EEA1: variants seen among roughly 807,000 people sequenced by gnomAD.
EEA1 encodes the protein early endosome antigen 1, 162kD.
A neutral mutation model predicts 209.2 loss-of-function variants in EEA1; 111 were observed. The ratio of observed to expected loss-of-function variants is 0.53; its 90% CI spans 0.45 to 0.62. The LOEUF (loss-of-function observed/expected upper bound fraction) is 0.62. Among genes scored for constraint, EEA1 ranks in the 20% least tolerant of loss-of-function variants. The probability of loss-of-function intolerance (pLI) is 0.00; values close to 1 mark genes in which losing one functional copy is unlikely to be tolerated. For synonymous variants in EEA1, 536 were observed against 540.6 expected, an observed-to-expected ratio of 0.99 and a Z score of 0.12; for missense variants, 1,343 against 1,530.8, an observed-to-expected ratio of 0.88 and a Z score of 2.05.
chr12:92,819,230 TC>T (rs1165260760), intron 14 of EEA1, 77 bp downstream of exon 14: 1 of 1,246,190 alleles, frequency 8.0e-7, no homozygotes, highest in Admixed American at 2.6e-5. Context: ...GAATGAAGAA[TC>T]ATTTAAATAA....
rs768878286 is a variant in EEA1, at chr12:92,781,969, T to C, written c.3317A>G (p.Gln1106Arg). 2 of 1,612,256 alleles carry C rather than the reference T, an allele frequency of 1.2e-6. No homozygotes were observed. The highest frequency in any genetic ancestry group is 1.7e-5 in the Admixed American group (1 of 59,914). The change falls in exon 23 of 29, where the codon CAA becomes CGA. Residue 1106 changes from glutamine to arginine, a missense_variant. Gln to Arg is a conservative substitution (Grantham distance 43). This residue lies in a region of EEA1 where 1,307 missense variants were observed against 1,465.5 expected (regional missense o/e 0.89). Transcript: ENST00000322349. The part of the protein sequence containing the change: ...QQLQERCKAL[Q>R]DIQKEKSLKE... ...CAATACCTTTTCTTTCTGAATGTCT[T>C]GTAGTGCTTTACATCGCTCCTGCAA...
At chr12:92,826,892 T>C (rs1268971269) in intron 12 of EEA1, among the ~76,000 whole-genome samples, 1 of 152,194 alleles carries the variant, frequency 6.6e-6, no homozygotes, top group Non-Finnish European at 1.5e-5. Flanking sequence ...TAATTACATA[T>C]AAATTATTTT....
At chr12:92,853,520 A>G (rs1877730772) in intron 6 of EEA1, among the ~76,000 whole-genome samples, 1 of 152,162 alleles carries the variant, frequency 6.6e-6, no homozygotes, top group Non-Finnish European at 1.5e-5. Flanking sequence ...AATTAGTTAT[A>G]AAGCGGGATG....
At chr12:92,788,764 C>G (rs1592702323) in intron 21 of EEA1, among the ~76,000 whole-genome samples, 1 of 152,312 alleles carries the variant, frequency 6.6e-6, no homozygotes, top group East Asian at 1.9e-4. Flanking sequence ...TTGTCAATGT[C>G]TTACTTGACC....
chr12:92,866,065 ACGT>A (rs1878379467), intron 2 of EEA1, among the ~76,000 whole-genome samples: 1 of 151,534 alleles, frequency 6.6e-6, no homozygotes, highest in African/African-American at 2.4e-5. Context: ...GGTGGCACAC[ACGT>A]GTAGTCCCAG....
In EEA1 at chr12:92,884,638, A is replaced by G; in HGVS notation, c.117+6991T>C. ...GTGGAGGCCAATACTTTGCCAAACC[A>G]TGAAACCAAGGTGGCTATGGTGGTT... On this transcript the variant is annotated intron_variant, in intron 2 of 28. Coordinates refer to ENST00000322349, the MANE Select transcript of EEA1 (RefSeq NM_003566.4). 3 of 1,357,300 alleles carry G rather than the reference A, an allele frequency of 2.2e-6. No homozygotes were observed. In the South Asian group the frequency reaches 3.5e-5, roughly 16 times the overall value. The allele number at this position is 1,357,300 out of a possible 1,614,324, so 84.1% of individuals were successfully genotyped here.
intron 22 of EEA1, 27 bp downstream of exon 22, chr12:92,787,840 T>G: frequency 1.4e-6 from 2 of 1,443,958 alleles, no homozygotes; most frequent in South Asian, 3.3e-5. Flanking sequence ...TTACTGAGAC[T>G]TTATGGTACA....
At chr12:92,837,019 G>A (rs955921420) in intron 10 of EEA1, among the ~76,000 whole-genome samples, 1 of 151,750 alleles carries the variant, frequency 6.6e-6, no homozygotes, top group African/African-American at 2.4e-5. Flanking sequence ...TACTCAGGAG[G>A]CTGAGGCAAG....
At chr12:92,920,995 A>G (rs1428655390) in intron 1 of EEA1, among the ~76,000 whole-genome samples, 1 of 151,212 alleles carries the variant, frequency 6.6e-6, no homozygotes, top group Non-Finnish European at 1.5e-5. Context: ...AACACATGAA[A>G]AAATGCTCAT....
intron 1 of EEA1, among the ~76,000 whole-genome samples, chr12:92,902,596 C>T (rs11831154): frequency 0.019 from 2,830 of 152,140 alleles, 96 homozygotes; most frequent in African/African-American, 0.063. Context: ...CAAAAATTAG[C>T]TGGGTGTGGT....
chr12:92,815,492 G>A (rs893258682), intron 15 of EEA1, among the ~76,000 whole-genome samples: 6 of 152,188 alleles, frequency 3.9e-5, no homozygotes, highest in African/African-American at 1.2e-4. Context: ...TAGTAAGTAT[G>A]CCAGTTATAT....
rs1592724969 is a variant in EEA1, at chr12:92,830,882, G to A, written c.1254+1630C>T. Among the ~76,000 whole-genome samples the A allele has an allele frequency of 2.0e-5, 3 of 152,162 alleles. No individual in the cohort carries two copies. In the East Asian group the frequency reaches 5.8e-4, roughly 29 times the overall value. ...GCCTATATAAAGAATCAATTTGTCAGGGGCAAGAAGGAAGGCAGATCAGTT... is the reference window on the plus strand; with the variant it reads ...GCCTATATAAAGAATCAATTTGTCAAGGGCAAGAAGGAAGGCAGATCAGTT... On this transcript the variant is annotated intron_variant, in intron 11 of 28. Transcript: ENST00000322349.
At chr12:92,807,629 T>C (rs1444990277) in intron 18 of EEA1, among the ~76,000 whole-genome samples, 1 of 152,158 alleles carries the variant, frequency 6.6e-6, no homozygotes, top group Non-Finnish European at 1.5e-5. Flanking sequence ...ATTCTATTTT[T>C]ATACTAGTCA....
chr12:92,905,073 G>A (rs1880315874), intron 1 of EEA1, among the ~76,000 whole-genome samples: 2 of 151,858 alleles, frequency 1.3e-5, no homozygotes, highest in Non-Finnish European at 2.9e-5. Context: ...GCTATCTAGG[G>A]GCCCATCAAT....
At chr12:92,928,496 A>G (rs563525436) in intron 1 of EEA1, among the ~76,000 whole-genome samples, 1 of 152,266 alleles carries the variant, frequency 6.6e-6, no homozygotes, top group African/African-American at 2.4e-5. Flanking sequence ...TGTCAGTCCC[A>G]CGCCTGGGCC....
At chr12:92,886,306 G>GC (rs1879381035) in intron 2 of EEA1, among the ~76,000 whole-genome samples, 1 of 140,376 alleles carries the variant, frequency 7.1e-6, no homozygotes, top group Non-Finnish European at 1.5e-5. Flanking sequence ...GTTCAAGGCT[G>GC]CAGTAAAAGC....
At chr12:92,824,685 A>C (rs943617625) in intron 13 of EEA1, among the ~76,000 whole-genome samples, 1 of 152,186 alleles carries the variant, frequency 6.6e-6, no homozygotes, top group Non-Finnish European at 1.5e-5. Flanking sequence ...CTAACACTGC[A>C]GTCCCAACTC....
Position 92,840,168 on chromosome 12 carries a change from TAA to T in EEA1, c.915+2295_915+2296del, listed in dbSNP as rs1225903630. On this transcript the variant is annotated intron_variant, in intron 10 of 28. Coordinates refer to ENST00000322349, the MANE Select transcript of EEA1 (RefSeq NM_003566.4). The stretch of plus-strand genomic sequence containing the variant: ...TCCTTATTATATTTCACGAAAATGT[TAA>T]GTTATTACAACTTAACCAACACATT... Among the ~76,000 whole-genome samples, 8 of 152,306 alleles carry T rather than the reference TAA, an allele frequency of 5.3e-5. No homozygotes were observed. In the South Asian group the frequency reaches 8.3e-4, roughly 16 times the overall value.
chr12:92,902,709 C>G (rs1046153409), intron 1 of EEA1, among the ~76,000 whole-genome samples: 2 of 146,324 alleles, frequency 1.4e-5, no homozygotes, highest in Non-Finnish European at 3.0e-5. Flanking sequence ...CCACTGCACT[C>G]CAGCCTGGGC....
Sources: gnomAD v4.1 joint callset for allele counts (sites outside exome capture counted in the v4.1 genomes callset) on GRCh38, gnomAD v4.1.1 for gene constraint, gnomAD v4.1.1 regional missense constraint, MANE v1.5 for transcripts, NCBI Gene and HGNC (gene_info 2026-07-23, HGNC 2026-07-21) for gene names.